Variants in NCF4 observed in about 807,000 individuals in gnomAD.
NCF4 encodes neutrophil cytosol factor 4.
Under a neutral mutation model 41.7 loss-of-function variants are expected in NCF4, and 30 were observed. The ratio of observed to expected loss-of-function variants is 0.72; its 90% confidence interval spans 0.54 to 0.97. NCF4 has a LOEUF of 0.97. Ranked by LOEUF, NCF4 falls within the 50% of genes least tolerant of loss-of-function variation. The probability of loss-of-function intolerance (pLI) is 0.00; values close to 1 mark genes in which losing one functional copy is unlikely to be tolerated. For missense variants in NCF4, 432 were observed against 460.9 expected (o/e 0.94, Z 0.57); for synonymous variants, 195 against 175.8 (o/e 1.11, Z -0.87).
At chr22:36,864,624 C>A (rs1939877885) in intron 2 of NCF4, among the ~76,000 whole-genome samples, 2 of 152,312 alleles carry the variant, frequency 1.3e-5, no homozygotes, top group South Asian at 4.1e-4. Context: ...CTCCTCATTT[C>A]TTGGGCCTGA....
chr22:36,872,992 G>A (rs1179093329), intron 7 of NCF4, among the ~76,000 whole-genome samples: 2 of 148,004 alleles, frequency 1.4e-5, no homozygotes, highest in African/African-American at 2.5e-5. Flanking sequence ...GGGTGGAGGC[G>A]AGAGTGGAGG....
rs1199444269 is a variant in NCF4 at position 36,867,396 on chromosome 22, A to C, written c.276A>C (p.Lys92Asn). The C allele has an allele frequency of 6.2e-7, 1 of 1,614,162 alleles. No homozygotes were observed. Among genetic ancestry groups the C allele is most frequent in the East Asian group, 2.2e-5 (1 of 44,862 alleles). The change falls in exon 4 of 10, where the codon AAA becomes AAC. Residue 92 changes from lysine to asparagine, a missense_variant. Coordinates refer to ENST00000248899, the MANE Select transcript of NCF4 (RefSeq NM_000631.5). ...CAGCTCTTTGTCTCTTCTCAGCCAA[A>C]GTCTACGTGGGTGTGAAACAGGAGA... ...LACTLPTLPA[K>N]VYVGVKQEIA...
At chr22:36,877,285 T>C (rs962110623) in intron 9 of NCF4, among the ~76,000 whole-genome samples, 3 of 152,096 alleles carry the variant, frequency 2.0e-5, no homozygotes, top group African/African-American at 4.8e-5. Context: ...CACAGGTGCA[T>C]ACTACCTCGC....
At chr22:36,872,815 G>A (rs549944892) in intron 7 of NCF4, among the ~76,000 whole-genome samples, 8 of 139,108 alleles carry the variant, frequency 5.8e-5, no homozygotes, top group Non-Finnish European at 1.1e-4. Context: ...TGGAGATGAG[G>A]GTGAAGGTGA....
intron 1 of NCF4, among the ~76,000 whole-genome samples, chr22:36,861,552 C>T (rs915666210): frequency 4.6e-5 from 7 of 152,146 alleles, no homozygotes; most frequent in Admixed American, 2.0e-4. Context: ...CCATCTTCTG[C>T]GCAAACAGAA....
At position 36,861,165 on chromosome 22, in the gene NCF4, G is replaced by A. The variant is rs1368680274; in HGVS notation, c.-7G>A. On this transcript the variant is annotated 5_prime_UTR_variant, in exon 1 of 10. Transcript: ENST00000248899. ...TCTCCACCTGCTCCCTGGGACCATC[G>A]CCCACCATGGCTGTGGCCCAGCAGC... 3.9e-6 allele frequency: 6 copies of A among 1,551,458 alleles called. No individual in the cohort carries two copies. Among genetic ancestry groups the A allele is most frequent in the South Asian group, 3.6e-5 (3 of 84,052 alleles).
intron 7 of NCF4, 105 bp from the exon 8 acceptor site, chr22:36,875,548 A>G (rs1168680760): frequency 1.9e-6 from 2 of 1,027,280 alleles, no homozygotes; most frequent in Non-Finnish European, 3.0e-6. Flanking sequence ...GAAGACCCGG[A>G]CCTCATCTGC....
intron 4 of NCF4, among the ~76,000 whole-genome samples, chr22:36,869,679 C>T (rs937688312): frequency 2.6e-5 from 4 of 152,072 alleles, no homozygotes; most frequent in South Asian, 4.2e-4. Context: ...TGGGTGCTCG[C>T]GTCCTCACAG....
Position 36,861,166 on chromosome 22 carries a change from C to A in NCF4, c.-6C>A, listed in dbSNP as rs1218395423. 6.4e-7 allele frequency: 1 copy of A among 1,551,384 alleles called. No individual in the cohort carries two copies. Among genetic ancestry groups the A allele is most frequent in the African/African-American group, 1.4e-5 (1 of 73,046 alleles). On this transcript the variant is annotated 5_prime_UTR_variant, in exon 1 of 10. Coordinates refer to ENST00000248899, the MANE Select transcript of NCF4 (RefSeq NM_000631.5). ...CTCCACCTGCTCCCTGGGACCATCG[C>A]CCACCATGGCTGTGGCCCAGCAGCT... is the stretch of plus-strand genomic sequence containing the variant.
At chr22:36,871,611 G>A (rs1056947084) in intron 5 of NCF4, 41 bp from the exon 6 acceptor site, 1 of 1,551,732 alleles carries the variant, frequency 6.4e-7, no homozygotes, top group Non-Finnish European at 8.7e-7. Flanking sequence ...TGGGCCCTGA[G>A]AGAATCACAG....
At position 36,865,292 on chromosome 22, in the gene NCF4, C is replaced by T. The variant is rs34666073; in HGVS notation, c.271+220C>T. On this transcript the variant is annotated intron_variant, in intron 3 of 9. Coordinates refer to ENST00000248899, the MANE Select transcript of NCF4 (RefSeq NM_000631.5). The surrounding 1 kb of genome is among the most constrained non-coding windows in gnomAD (Gnocchi z 4.3). Reference sequence around the variant, plus strand: ...CCCAAGCACTCTAGCCTCACAGCCCCGGAGCTCTGATGACCATCGTGGCCA... The same window carrying T: ...CCCAAGCACTCTAGCCTCACAGCCCTGGAGCTCTGATGACCATCGTGGCCA... 9.9e-5 allele frequency among the ~76,000 whole-genome samples: 15 copies of T among 152,256 alleles called. No individual in the cohort carries two copies. The highest frequency in any genetic ancestry group is 1.8e-4 in the Non-Finnish European group (12 of 68,014).
At position 36,861,045 on chromosome 22, in the gene NCF4, C is replaced by A; in HGVS notation, c.-127C>A. 1 of 1,285,342 alleles carries A rather than the reference C, an allele frequency of 7.8e-7. No homozygotes were observed. Among genetic ancestry groups the A allele is most frequent in the Non-Finnish European group, 1.1e-6 (1 of 905,738 alleles). 79.6% of individuals were successfully genotyped at this position (1,285,342 alleles called of 1,614,324 possible). A position where few individuals can be genotyped will look rare whatever the true frequency, so the allele number is the denominator to read the frequency against. ...CAGGCCTGAGCCTCCCCAAAGGCAG[C>A]TCCTGGGGACTCCCAGGACCACAGG... On this transcript the variant is annotated 5_prime_UTR_variant, in exon 1 of 10. Transcript: ENST00000248899.
At chr22:36,873,008 ATGGAGGTGAGACTGGAGGTGAGAT>A (rs1940112919) in intron 7 of NCF4, among the ~76,000 whole-genome samples, 1 of 95,370 alleles carries the variant, frequency 1.0e-5, no homozygotes, top group Non-Finnish European at 2.1e-5. Flanking sequence ...GGAGGTGAGG[ATGGAGGTGAGACTGGAGGTGAGAT>A]TGGAGGTGAG....
intron 3 of NCF4, among the ~76,000 whole-genome samples, chr22:36,866,811 G>A (rs1485359342): frequency 6.6e-6 from 1 of 152,146 alleles, no homozygotes; most frequent in African/African-American, 2.4e-5. Flanking sequence ...CCTTGAGCTT[G>A]AGGAATTGTT....
At chr22:36,866,028 T>A (rs1157351364) in intron 3 of NCF4, among the ~76,000 whole-genome samples, 1 of 152,098 alleles carries the variant, frequency 6.6e-6, no homozygotes, top group East Asian at 1.9e-4. Flanking sequence ...ATCTTCCTCT[T>A]GATATACCAA....
Position 36,862,800 on chromosome 22 carries a change from G to A in NCF4, c.33-1245G>A, listed in dbSNP as rs374398088. On this transcript the variant is annotated intron_variant, in intron 1 of 9. Coordinates refer to ENST00000248899, the MANE Select transcript of NCF4 (RefSeq NM_000631.5). ...CCCCAAGGTGAGACATCCAAAGATG[G>A]GGAGGGCTGCCTTAGGGGTGGCAAG... Among the ~76,000 whole-genome samples, 46 of 152,304 alleles carry A rather than the reference G, an allele frequency of 3.0e-4. 1 individual carries two copies. The East Asian group carries it at 8.7e-3, about 29-fold the overall frequency.
intron 9 of NCF4, 64 bp from the exon 10 acceptor site, chr22:36,877,563 AC>A: frequency 6.4e-7 from 1 of 1,567,598 alleles, no homozygotes; most frequent in Middle Eastern, 1.7e-4. Flanking sequence ...AACCCTTTTC[AC>A]CCCCTCTCCC....
Position 36,872,315 on chromosome 22 carries a change from G to A in NCF4, c.529-12G>A, listed in dbSNP as rs768718576. The stretch of plus-strand genomic sequence containing the variant: ...TTCTCTCCTTCCCTCCTTACTGCAC[G>A]CTTCTCCTCAGGCTCTATTTGACTT... On this transcript the variant is annotated splice_polypyrimidine_tract_variant and intron_variant, in intron 6 of 9. Transcript: ENST00000248899. 50 of 1,575,878 alleles carry A rather than the reference G, an allele frequency of 3.2e-5. No homozygotes were observed. Among genetic ancestry groups the A allele is most frequent in the Non-Finnish European group, 4.1e-5 (47 of 1,145,332 alleles).
intron 9 of NCF4, 121 bp downstream of exon 9, chr22:36,876,215 T>C (rs1472945945): frequency 1.9e-6 from 2 of 1,038,246 alleles, no homozygotes; most frequent in Non-Finnish European, 2.7e-6. Flanking sequence ...TCTCTTTTTA[T>C]CCGCAGCCCA....
Sources: allele counts gnomAD v4.1 joint callset (sites outside exome capture counted in the v4.1 genomes callset), GRCh38; gene constraint gnomAD v4.1.1; non-coding constraint Gnocchi (gnomAD v3.1); transcripts MANE v1.5; gene names NCBI Gene and HGNC (gene_info 2026-07-23, HGNC 2026-07-21).